NAV1: variants seen among roughly 807,000 people sequenced by gnomAD.
NAV1 encodes neuron navigator 1.
A neutral mutation model predicts 175.2 loss-of-function variants in NAV1; 18 were observed. The ratio of observed to expected loss-of-function variants is 0.10; its 90% confidence interval spans 0.07 to 0.15. The LOEUF (loss-of-function observed/expected upper bound fraction) is 0.15. Ranked by LOEUF, NAV1 falls within the 10% of genes least tolerant of loss-of-function variation. The pLI, the probability that NAV1 is intolerant of heterozygous loss-of-function variation, is 1.00. For synonymous variants in NAV1, 897 were observed against 978.7 expected, an observed-to-expected ratio of 0.92 and a Z score of 1.56; for missense variants, 1,731 against 2,436.6, an observed-to-expected ratio of 0.71 and a Z score of 6.10.
chr1:201,714,173 A>C (rs1672035438), intron 2 of NAV1, among the ~76,000 whole-genome samples: 1 of 152,182 alleles, frequency 6.6e-6, no homozygotes, highest in African/African-American at 2.4e-5. Flanking sequence ...GGCCTCCCAA[A>C]GTGCTGGGAT....
intron 1 of NAV1, among the ~76,000 whole-genome samples, chr1:201,581,924 G>A (rs770628761): frequency 1.3e-5 from 2 of 151,982 alleles, no homozygotes; most frequent in Middle Eastern, 3.2e-3. Flanking sequence ...GTGAAACCCC[G>A]TCTCTACTAA....
At chr1:201,739,786 C>G in intron 3 of NAV1, 1 of 1,220,868 alleles carries the variant, frequency 8.2e-7, no homozygotes, top group Non-Finnish European at 1.0e-6. Flanking sequence ...CGCCGGGGCT[C>G]GGGACAGAAG....
At chr1:201,611,196 G>C (rs1667834010) in intron 2 of NAV1, among the ~76,000 whole-genome samples, 1 of 152,204 alleles carries the variant, frequency 6.6e-6, no homozygotes, top group South Asian at 2.1e-4. Context: ...TCTTGACACA[G>C]ACTGGGGTGA....
At chr1:201,659,431 C>G (rs1401289434) in intron 1 of NAV1, among the ~76,000 whole-genome samples, 1 of 152,156 alleles carries the variant, frequency 6.6e-6, no homozygotes, top group East Asian at 1.9e-4. Flanking sequence ...GTGTGGGCAA[C>G]AAAGCAAGAC....
chr1:201,793,009 C>T (rs1384378895), intron 13 of NAV1: 1 of 152,352 alleles, frequency 6.6e-6, no homozygotes, highest in Non-Finnish European at 1.5e-5. Context: ...GGCTATTTCT[C>T]CATCCCCAAG....
rs770383244 is a variant in NAV1 at position 201,788,570 on chromosome 1, C to T, written c.3098C>T (p.Thr1033Ile). 1 of 1,614,154 alleles carries T rather than the reference C, an allele frequency of 6.2e-7. No individual in the cohort carries two copies. The highest frequency in any genetic ancestry group is 8.5e-7 in the Non-Finnish European group (1 of 1,180,018). ...TACAGCGGCTCCCAAATGGGGAGCA[C>T]CCTGTCCCTGGCCGAGAGACCCAAG... is the stretch of plus-strand genomic sequence containing the variant. Residue 1033 changes from threonine to isoleucine, a missense_variant, in exon 10 of 30, where the codon ACC becomes ATC. By Grantham distance (89) the Thr-to-Ile change is moderately conservative. Transcript: ENST00000367296. This position sits in a 1 kb window ranked among gnomAD's most constrained non-coding sequence, Gnocchi z 5.7.
At chr1:201,552,873 CAG>C (rs1379563328) in intron 1 of NAV1, among the ~76,000 whole-genome samples, 1 of 152,176 alleles carries the variant, frequency 6.6e-6, no homozygotes, top group Non-Finnish European at 1.5e-5. Context: ...ACGTATCAGA[CAG>C]GGGATGCTTC....
intron 7 of NAV1, among the ~76,000 whole-genome samples, chr1:201,784,156 AT>A (rs1558161352): frequency 6.6e-6 from 1 of 152,080 alleles, no homozygotes; most frequent in Non-Finnish European, 1.5e-5. Context: ...GTCCAAAATC[AT>A]TTTGTTTTGT....
intron 1 of NAV1, among the ~76,000 whole-genome samples, chr1:201,564,386 G>A (rs533026465): frequency 4.3e-4 from 66 of 152,022 alleles, no homozygotes; most frequent in African/African-American, 1.5e-3. Flanking sequence ...AGGCCGAGGC[G>A]GGCAGATCAC....
intron 1 of NAV1, among the ~76,000 whole-genome samples, chr1:201,561,693 A>G (rs1185896265): frequency 1.3e-5 from 2 of 152,188 alleles, no homozygotes; most frequent in Non-Finnish European, 2.9e-5. Context: ...TCCTGGGGGC[A>G]GGGTTCTGTC....
intron 2 of NAV1, among the ~76,000 whole-genome samples, chr1:201,589,502 G>A (rs550229769): frequency 9.3e-4 from 142 of 152,112 alleles, no homozygotes; most frequent in African/African-American, 3.1e-3. Flanking sequence ...TTTGTTTTTC[G>A]TTTTTTTGAG....
Position 201,701,032 on chromosome 1 carries a change from AG to A in NAV1, c.758-11784del, listed in dbSNP as rs1671401885. Among the ~76,000 whole-genome samples, 6 of 142,600 alleles carry A rather than the reference AG, an allele frequency of 4.2e-5. No homozygotes were observed. The South Asian group carries it at 1.4e-3, about 33-fold the overall frequency. 93.6% of individuals were successfully genotyped at this position (142,600 alleles called of 152,430 possible). A position where few individuals can be genotyped will look rare whatever the true frequency, so the allele number is the denominator to read the frequency against. ...CTCAAAAAAAAAAAAAAAAAAAAAA[AG>A]AAAGAAAAGAAAATGTGGCACTTGT... On this transcript the variant is annotated intron_variant, in intron 1 of 29. Transcript: ENST00000367296.
chr1:201,557,650 C>T (rs566523643), intron 1 of NAV1, among the ~76,000 whole-genome samples: 95 of 152,326 alleles, frequency 6.2e-4, no homozygotes, highest in Middle Eastern at 3.4e-3. Flanking sequence ...GGTGGGTTAA[C>T]TGAGGACCGG....
chr1:201,748,749 C>T (rs1673923231), intron 3 of NAV1, among the ~76,000 whole-genome samples: 2 of 152,060 alleles, frequency 1.3e-5, no homozygotes, highest in African/African-American at 2.4e-5. Context: ...CTATAGGAGC[C>T]CCCTAAAGAA....
At chr1:201,564,107 G>T (rs1341992028) in intron 1 of NAV1, among the ~76,000 whole-genome samples, 1 of 146,804 alleles carries the variant, frequency 6.8e-6, no homozygotes, top group Non-Finnish European at 1.5e-5. Context: ...AAAAAAGAAA[G>T]AAAGAAGAAA....
In NAV1 at chr1:201,546,457, CCA is replaced by C. The variant is rs763157151; in HGVS notation, c.-144+7122_-144+7123del. Among the ~76,000 whole-genome samples, 6 of 152,242 alleles carry C rather than the reference CCA, an allele frequency of 3.9e-5. No individual in the cohort carries two copies. The East Asian group carries it at 1.2e-3, about 29-fold the overall frequency. On this transcript the variant is annotated intron_variant, in intron 1 of 33. Transcript: ENST00000685211. ...GTGCTTTCCTATGGTGCAAGTTCCC[CCA>C]CACACAAGGTTTTATTTTGAAAACC... is the stretch of plus-strand genomic sequence containing the variant.
intron 1 of NAV1, among the ~76,000 whole-genome samples, chr1:201,682,590 AC>A (rs1355542767): frequency 6.6e-6 from 1 of 152,072 alleles, no homozygotes; most frequent in Non-Finnish European, 1.5e-5. Context: ...CTGACTTATA[AC>A]CAAATCTGTG....
chr1:201,719,247 A>C (rs1472338167), intron 3 of NAV1, among the ~76,000 whole-genome samples: 2 of 151,982 alleles, frequency 1.3e-5, no homozygotes, highest in Non-Finnish European at 1.5e-5. Context: ...TCGCTAGTCA[A>C]ACAGTGAGTA....
At chr1:201,707,184 T>C (rs1267115) in intron 1 of NAV1, among the ~76,000 whole-genome samples, 128,333 of 152,166 alleles carry the variant, frequency 0.84, 54,216 homozygotes, top group East Asian at 0.93. Flanking sequence ...AAAGCAAGGT[T>C]CCGGAAGAGA....
Sources: allele counts gnomAD v4.1 joint callset (sites outside exome capture counted in the v4.1 genomes callset), GRCh38; gene constraint gnomAD v4.1.1; non-coding constraint Gnocchi (gnomAD v3.1); transcripts MANE v1.5; gene names NCBI Gene and HGNC (gene_info 2026-07-23, HGNC 2026-07-21).